The following DOP1B variants were observed in gnomAD, a reference collection of about 807,000 sequenced individuals.
The protein encoded by DOP1B is protein DOP1B.
DOP1B carries 174 observed loss-of-function variants against 233.5 expected under a neutral mutation model. The ratio of observed to expected loss-of-function variants is 0.75; its 90% CI spans 0.66 to 0.85. DOP1B has a LOEUF of 0.85. Among genes scored for constraint, DOP1B ranks in the 40% least tolerant of loss-of-function variants. The pLI, the probability that DOP1B is intolerant of heterozygous loss-of-function variation, is 0.00. For missense variants in DOP1B, 2,652 were observed against 2,846.6 expected (o/e 0.93, Z 1.56); for synonymous variants, 1,190 against 1,185.6 (o/e 1.00, Z -0.08).
chr21:36,259,156 A>G (rs1435251759), intron 23 of DOP1B, among the ~76,000 whole-genome samples: 2 of 151,700 alleles, frequency 1.3e-5, no homozygotes, highest in African/African-American at 2.4e-5. Flanking sequence ...TAGTAGAGAC[A>G]GGGTTTCACC....
At chr21:36,263,090 C>T (rs889457156) in intron 24 of DOP1B, among the ~76,000 whole-genome samples, 1 of 151,838 alleles carries the variant, frequency 6.6e-6, no homozygotes, top group South Asian at 2.1e-4. Flanking sequence ...CAAAATTAGC[C>T]GAGCGTGGTG....
chr21:36,169,705 G>A, intron 2 of DOP1B: 2 of 925,120 alleles, frequency 2.2e-6, no homozygotes, highest in Non-Finnish European at 3.6e-6. Context: ...CGAGGCGGGT[G>A]ACTTGGCAGT....
In DOP1B at chr21:36,210,128, G is replaced by GA. The variant is rs199834704; in HGVS notation, c.681+1224_681+1225insA. Among the ~76,000 whole-genome samples, 1,442 of 152,106 alleles carry GA rather than the reference G, an allele frequency of 9.5e-3. 25 individuals carry two copies. The highest frequency in any genetic ancestry group is 0.032 in the African/African-American group (1,325 of 41,468). ...TTGTCTCTTACTCTTGGATCTGACT[G>GA]GTTTCTTCCCATCCCAAATCTGCTA... On this transcript the variant is annotated intron_variant, in intron 5 of 36. Transcript: ENST00000691173.
At chr21:36,251,028 G>A in intron 21 of DOP1B, 134 bp from the exon 22 acceptor site, 1 of 1,223,466 alleles carries the variant, frequency 8.2e-7, no homozygotes, top group Non-Finnish European at 1.1e-6. Flanking sequence ...CATCAGGGAA[G>A]CACCTCAGCA....
intron 4 of DOP1B, among the ~76,000 whole-genome samples, chr21:36,203,522 C>T (rs986768122): frequency 1.3e-5 from 2 of 152,032 alleles, no homozygotes; most frequent in African/African-American, 2.4e-5. Context: ...GAGCCAAGAT[C>T]GCACCACTGC....
In DOP1B at chr21:36,230,938, G is replaced by A. The variant is rs149884731; in HGVS notation, c.2154G>A (p.Ser718=). 2.3e-5 allele frequency: 37 copies of A among 1,613,994 alleles called. No individual in the cohort carries two copies. The highest frequency in any genetic ancestry group is 2.6e-5 in the Non-Finnish European group (31 of 1,180,014). The change falls in exon 14 of 37, where the codon TCG becomes TCA. Residue 718 remains serine (S), a synonymous_variant. Coordinates refer to ENST00000691173, the MANE Select transcript of DOP1B (RefSeq NM_001320714.2). ...AAAGTTCAGAGTCACCATCGTCTTC[G>A]CCCAGCAGCCCTGCCAGGAAAAACG... is the stretch of plus-strand genomic sequence containing the variant. ...KTKSSESPSS[S]PSSPARKNGG... is the part of the protein sequence containing the mutation.
In DOP1B at chr21:36,270,552, C is replaced by CAAAAAA. The variant is rs398040600; in HGVS notation, c.5632+416_5632+421dup. Among the ~76,000 whole-genome samples, 59 of 36,826 alleles carry CAAAAAA rather than the reference C, an allele frequency of 1.6e-3. 3 individuals are homozygous for CAAAAAA. The highest frequency in any genetic ancestry group is 1.9e-3 in the African/African-American group (19 of 9,940). 24.2% of individuals were successfully genotyped at this position (36,826 alleles called of 152,430 possible). A position where few individuals can be genotyped will look rare whatever the true frequency, so the allele number is the denominator to read the frequency against. On this transcript the variant is annotated intron_variant, in intron 27 of 36. Transcript: ENST00000691173. ...CAGGCGACAAAGCAAGACTCCGTCT[C>CAAAAAA]AAAAAAAAAAAAAAAAAAAAAAAAA...
At chr21:36,269,290 G>A (rs2067261140) in intron 26 of DOP1B, among the ~76,000 whole-genome samples, 1 of 151,922 alleles carries the variant, frequency 6.6e-6, no homozygotes, top group South Asian at 2.1e-4. Context: ...AAAGTAGCTG[G>A]GATTACAGGC....
chr21:36,195,360 A>G (rs926075388), intron 2 of DOP1B, among the ~76,000 whole-genome samples: 1 of 142,666 alleles, frequency 7.0e-6, no homozygotes, highest in African/African-American at 2.8e-5. Flanking sequence ...AAAAAAAAAA[A>G]AATCCCCCCA....
At chr21:36,230,404 C>T (rs765105923) in intron 13 of DOP1B, 46 bp from the exon 14 acceptor site, 2 of 1,541,726 alleles carry the variant, frequency 1.3e-6, no homozygotes, top group East Asian at 4.5e-5. Context: ...ACTTAAATAG[C>T]TTGGTGTTAA....
chr21:36,190,316 A>C (rs2066217364), intron 2 of DOP1B, among the ~76,000 whole-genome samples: 1 of 150,872 alleles, frequency 6.6e-6, no homozygotes, highest in Non-Finnish European at 1.5e-5. Flanking sequence ...ACAGAGTGAG[A>C]CTCTGTCTCT....
At chr21:36,258,105 G>GTAGA (rs2067129103) in intron 23 of DOP1B, among the ~76,000 whole-genome samples, 1 of 152,042 alleles carries the variant, frequency 6.6e-6, no homozygotes, top group African/African-American at 2.4e-5. Flanking sequence ...ATGTAGGTAG[G>GTAGA]TAGATAGATA....
At chr21:36,256,976 C>A (rs1273585450) in intron 23 of DOP1B, among the ~76,000 whole-genome samples, 1 of 152,150 alleles carries the variant, frequency 6.6e-6, no homozygotes, top group Non-Finnish European at 1.5e-5. Context: ...TCCCCAAGAG[C>A]ACCCTTCACT....
chr21:36,169,439 AG>A, intron 2 of DOP1B: 1 of 1,041,878 alleles, frequency 9.6e-7, no homozygotes. Flanking sequence ...CACCTTGCAC[AG>A]GCCTCGGTGG....
At chr21:36,169,220 A>AC in intron 2 of DOP1B, 1 of 1,018,168 alleles carries the variant, frequency 9.8e-7, no homozygotes, top group Middle Eastern at 3.0e-4. Flanking sequence ...ACCATAGTGG[A>AC]CAAAGCCACC....
chr21:36,190,429 G>T (rs1054150349), intron 2 of DOP1B, among the ~76,000 whole-genome samples: 6 of 150,324 alleles, frequency 4.0e-5, no homozygotes, highest in Non-Finnish European at 8.9e-5. Flanking sequence ...ATGGAGTCTC[G>T]CTCTCTCACT....
At position 36,277,007 on chromosome 21, in the gene DOP1B, CT is replaced by C; in HGVS notation, c.5633-11del. The C allele has an allele frequency of 6.2e-7, 1 of 1,613,872 alleles. No homozygotes were observed. Among genetic ancestry groups the C allele is most frequent in the Non-Finnish European group, 8.5e-7 (1 of 1,179,896 alleles). On this transcript the variant is annotated splice_polypyrimidine_tract_variant and intron_variant, in intron 27 of 36. Coordinates refer to ENST00000691173, the MANE Select transcript of DOP1B (RefSeq NM_001320714.2). ...CATCATAGTTAACATACAAATGGCTCTTTCTGTTCACAGATGCTGCTGCAGC... is the reference window on the plus strand; with the variant it reads ...CATCATAGTTAACATACAAATGGCTCTTCTGTTCACAGATGCTGCTGCAGC...
intron 5 of DOP1B, among the ~76,000 whole-genome samples, chr21:36,211,351 A>AAC (rs1311309788): frequency 6.6e-6 from 1 of 152,258 alleles, no homozygotes; most frequent in East Asian, 1.9e-4. Context: ...TGGAACAGTG[A>AAC]GGTCTGCAGC....
chr21:36,227,589 A>T, intron 12 of DOP1B, 97 bp from the exon 13 acceptor site: 4 of 1,042,332 alleles, frequency 3.8e-6, no homozygotes, highest in Non-Finnish European at 5.4e-6. Context: ...TGTGAAATTT[A>T]TGCCCTAAAA....
Sources: allele counts gnomAD v4.1 joint callset (sites outside exome capture counted in the v4.1 genomes callset), GRCh38; gene constraint gnomAD v4.1.1; transcripts MANE v1.5; gene names NCBI Gene and HGNC (gene_info 2026-07-23, HGNC 2026-07-21).